The following RANBP10 variants were observed in gnomAD, a reference collection of about 807,000 sequenced individuals.
RANBP10 encodes the protein ran-binding protein 10.
A neutral mutation model predicts 72.8 loss-of-function variants in RANBP10; 24 were observed. That is an observed-to-expected ratio of 0.33 (90% CI 0.24 to 0.46). The LOEUF (loss-of-function observed/expected upper bound fraction) is 0.46. Among genes scored for constraint, RANBP10 ranks in the 20% least tolerant of loss-of-function variants. The pLI is 1.00. For synonymous variants in RANBP10, 310 were observed against 322.3 expected, an observed-to-expected ratio of 0.96 and a Z score of 0.41; for missense variants, 679 against 817.5, an observed-to-expected ratio of 0.83 and a Z score of 2.07.
chr16:67,756,161 T>G (rs979643663), intron 3 of RANBP10, among the ~76,000 whole-genome samples: 1 of 152,208 alleles, frequency 6.6e-6, no homozygotes, highest in African/African-American at 2.4e-5. Flanking sequence ...GCCCTAGAGA[T>G]GGAAGACTCC....
chr16:67,788,444 A>G (rs1453087896), intron 2 of RANBP10, among the ~76,000 whole-genome samples: 1 of 150,182 alleles, frequency 6.7e-6, no homozygotes, highest in Non-Finnish European at 1.5e-5. Context: ...TTTTTAGTAG[A>G]GAGGGGGTTT....
intron 2 of RANBP10, among the ~76,000 whole-genome samples, chr16:67,775,893 C>A (rs2143013765): frequency 6.6e-6 from 1 of 152,012 alleles, no homozygotes; most frequent in Middle Eastern, 3.4e-3. Flanking sequence ...CACCTGTAAT[C>A]CCAGCTCTTT....
At position 67,750,987 on chromosome 16, in the gene RANBP10, C is replaced by T. The variant is rs1025032389; in HGVS notation, c.401-6532G>A. On this transcript the variant is annotated intron_variant, in intron 3 of 13. Transcript: ENST00000317506. The stretch of plus-strand genomic sequence containing the variant: ...TTCACTGTGTTAGCCAGGATGGTCT[C>T]GATCTCCTGATCTCGTGATCTGCCC... Among the ~76,000 whole-genome samples, 6 of 152,144 alleles carry T rather than the reference C, an allele frequency of 3.9e-5. No homozygotes were observed. In the South Asian group the frequency reaches 6.2e-4, roughly 16 times the overall value.
At chr16:67,779,694 A>C (rs911703633) in intron 2 of RANBP10, among the ~76,000 whole-genome samples, 2 of 152,136 alleles carry the variant, frequency 1.3e-5, no homozygotes, top group African/African-American at 4.8e-5. Context: ...ATTTCTTTTC[A>C]TAGAGGTTCT....
chr16:67,790,507 A>G (rs954138748), intron 2 of RANBP10, among the ~76,000 whole-genome samples: 7 of 151,542 alleles, frequency 4.6e-5, no homozygotes, highest in Non-Finnish European at 4.4e-5. Context: ...CACCAAGAAC[A>G]CCCCTATGGC....
chr16:67,792,173 C>A (rs1356622541), intron 2 of RANBP10, among the ~76,000 whole-genome samples: 1 of 152,092 alleles, frequency 6.6e-6, no homozygotes, highest in Non-Finnish European at 1.5e-5. Context: ...GCCATGCAGT[C>A]ACCCACTGAG....
At chr16:67,753,422 A>G (rs2054232234) in intron 3 of RANBP10, among the ~76,000 whole-genome samples, 1 of 152,080 alleles carries the variant, frequency 6.6e-6, no homozygotes, top group African/African-American at 2.4e-5. Flanking sequence ...TGAACCCAGG[A>G]GTTTGAGGTG....
intron 3 of RANBP10, among the ~76,000 whole-genome samples, chr16:67,761,973 C>T (rs749796629): frequency 1.3e-3 from 193 of 151,978 alleles, no homozygotes; most frequent in Non-Finnish European, 2.2e-3. Context: ...ATAGCTAATA[C>T]AGCTGAGCAT....
chr16:67,776,936 G>A (rs2054717014), intron 2 of RANBP10, among the ~76,000 whole-genome samples: 1 of 152,052 alleles, frequency 6.6e-6, no homozygotes, highest in South Asian at 2.1e-4. Flanking sequence ...CTTAAGCTGG[G>A]CACGGTGGCT....
In RANBP10 at chr16:67,727,304, T is replaced by G. The variant is rs753134376; in HGVS notation, c.1732+23A>C. 10 of 1,587,004 alleles carry G rather than the reference T, an allele frequency of 6.3e-6. No homozygotes were observed. In the African/African-American group the frequency reaches 1.2e-4, roughly 19 times the overall value. On this transcript the variant is annotated intron_variant, in intron 13 of 13. Transcript: ENST00000317506. ...ACAGAGCAGACTCTGTCTCTAATAATAATAATAAATAGATTCACTCACCTA... is the reference window on the plus strand; with the variant it reads ...ACAGAGCAGACTCTGTCTCTAATAAGAATAATAAATAGATTCACTCACCTA...
At chr16:67,762,850 G>A (rs2054425549) in intron 3 of RANBP10, among the ~76,000 whole-genome samples, 1 of 152,196 alleles carries the variant, frequency 6.6e-6, no homozygotes, top group South Asian at 2.1e-4. Flanking sequence ...GCTCACTATG[G>A]GGGAGTCCCA....
At chr16:67,731,655 G>A in intron 6 of RANBP10, 71 bp from the exon 7 acceptor site, 1 of 1,161,720 alleles carries the variant, frequency 8.6e-7, no homozygotes, top group South Asian at 1.4e-5. Flanking sequence ...ATGGACTCAG[G>A]ACAGATTACC....
At chr16:67,740,116 T>TC (rs1567680338) in intron 4 of RANBP10, among the ~76,000 whole-genome samples, 2 of 148,406 alleles carry the variant, frequency 1.3e-5, no homozygotes, top group African/African-American at 2.5e-5. Context: ...TTTTTTTTTT[T>TC]CCCTGAGACG....
In RANBP10 at chr16:67,806,486, GT is replaced by G; in HGVS notation, c.50del (p.Asp17AlafsTer19). 1.3e-6 allele frequency: 2 copies of G among 1,542,762 alleles called. No homozygotes were observed. Among genetic ancestry groups the G allele is most frequent in the Non-Finnish European group, 1.7e-6 (2 of 1,150,466 alleles). On this transcript the variant is annotated frameshift_variant, in exon 1 of 14. Coordinates refer to ENST00000317506, the MANE Select transcript of RANBP10 (RefSeq NM_020850.3). LOFTEE classifies it high-confidence loss of function. ...DPGAGNPQPG[D>X]SSGGGAGGGL... is the part of the protein sequence containing the mutation. ...CGCCCCCAGCGCCCCCGCCGGAGGA[GT>G]CCCCAGGCTGCGGGTTCCCAGCTCC...
chr16:67,795,010 T>G (rs2055103519), intron 2 of RANBP10, among the ~76,000 whole-genome samples: 1 of 142,004 alleles, frequency 7.0e-6, no homozygotes, highest in Non-Finnish European at 1.5e-5. Flanking sequence ...ATCCCAGTAC[T>G]CCGGGAGGCC....
intron 3 of RANBP10, among the ~76,000 whole-genome samples, chr16:67,765,214 A>G (rs1454320941): frequency 1.3e-5 from 2 of 150,576 alleles, no homozygotes; most frequent in Non-Finnish European, 3.0e-5. Flanking sequence ...AAAAAAAAAA[A>G]AAAAAAAAAA....
intron 5 of RANBP10, among the ~76,000 whole-genome samples, chr16:67,737,740 C>T (rs2053882387): frequency 6.6e-6 from 1 of 152,030 alleles, no homozygotes; most frequent in Non-Finnish European, 1.5e-5. Context: ...ATCTTCATTC[C>T]ACCACCCTAC....
rs755957814 is a variant in RANBP10 at position 67,731,487 on chromosome 16, T to C, written c.874A>G (p.Ile292Val). ...ETPIQEEQAS[I>V]KNRQKIQKLV... ...TAAACCTTACTTTGTCTGTTCTTTA[T>C]GGACGCCTGTTCTTCCTGAATCGGG... is the stretch of plus-strand genomic sequence containing the variant. Residue 292 changes from isoleucine (I) to valine (V), a missense_variant, in exon 7 of 14, where the codon ATA (isoleucine) becomes GTA (valine). Ile to Val is a conservative substitution (Grantham distance 29). Coordinates refer to ENST00000317506, the MANE Select transcript of RANBP10 (RefSeq NM_020850.3). 4.7e-5 allele frequency: 76 copies of C among 1,613,312 alleles called. No homozygotes were observed. The highest frequency in any genetic ancestry group is 4.3e-5 in the Non-Finnish European group (51 of 1,179,326).
intron 2 of RANBP10, 121 bp downstream of exon 2, chr16:67,805,307 A>G: frequency 1.3e-6 from 1 of 749,950 alleles, no homozygotes; most frequent in Non-Finnish European, 2.1e-6. Flanking sequence ...AAATAATGGC[A>G]GCCCAGACCC....
Sources: allele counts gnomAD v4.1 joint callset (sites outside exome capture counted in the v4.1 genomes callset), GRCh38; gene constraint gnomAD v4.1.1; transcripts MANE v1.5; gene names NCBI Gene and HGNC (gene_info 2026-07-23, HGNC 2026-07-21).